The following TRHDE variants were observed in gnomAD, a reference collection of about 807,000 sequenced individuals.
The protein encoded by TRHDE is thyrotropin-releasing hormone-degrading ectoenzyme.
TRHDE carries 72 observed loss-of-function variants against 125.7 expected under a neutral mutation model. That is an observed-to-expected ratio of 0.57 (90% CI 0.47 to 0.70). The LOEUF is 0.70. Among genes scored for constraint, TRHDE ranks in the 30% least tolerant of loss-of-function variants. TRHDE has a pLI of 0.00. For missense variants in TRHDE, 1,110 were observed against 1,327.1 expected, an observed-to-expected ratio of 0.84 and a Z score of 2.54; for synonymous variants, 509 against 509.1, an observed-to-expected ratio of 1.00 and a Z score of 0.00.
chr12:72,220,772 C>T (rs2139367783), intron 2 of TRHDE, among the ~76,000 whole-genome samples: 2 of 152,144 alleles, frequency 1.3e-5, no homozygotes, highest in Non-Finnish European at 1.5e-5. Flanking sequence ...CTTTTTACAT[C>T]AACTTGTCTC....
intron 2 of TRHDE, among the ~76,000 whole-genome samples, chr12:72,181,290 G>C (rs369321853): frequency 2.0e-5 from 3 of 152,100 alleles, no homozygotes; most frequent in African/African-American, 7.2e-5. Flanking sequence ...CCTATCATTA[G>C]CATCAACAAC....
intron 2 of TRHDE, among the ~76,000 whole-genome samples, chr12:72,215,149 T>C (rs1360294175): frequency 1.4e-4 from 20 of 147,550 alleles, no homozygotes; most frequent in African/African-American, 3.8e-4. Flanking sequence ...AGGATTTGGG[T>C]AGGTAAAGGA....
intron 2 of TRHDE, among the ~76,000 whole-genome samples, chr12:72,152,380 C>A (rs1384107033): frequency 6.6e-6 from 1 of 151,816 alleles, no homozygotes; most frequent in South Asian, 2.1e-4. Context: ...TAATTGAATA[C>A]CCTTTATTTC....
intron 3 of TRHDE, among the ~76,000 whole-genome samples, chr12:72,443,995 T>C (rs1427210988): frequency 6.6e-6 from 1 of 151,904 alleles, no homozygotes; most frequent in Non-Finnish European, 1.5e-5. Flanking sequence ...CTGGAAGATA[T>C]TGAATAGTAA....
chr12:72,227,575 A>T (rs565311615), intron 2 of TRHDE, among the ~76,000 whole-genome samples: 75 of 151,990 alleles, frequency 4.9e-4, no homozygotes, highest in Admixed American at 9.8e-4. Context: ...CCCCTCCCAA[A>T]CCTCATGTCC....
At chr12:72,438,148 A>G (rs1035862352) in intron 3 of TRHDE, among the ~76,000 whole-genome samples, 1 of 151,774 alleles carries the variant, frequency 6.6e-6, no homozygotes, top group East Asian at 1.9e-4. Context: ...CATTGTGTAT[A>G]TATACCATGT....
intron 3 of TRHDE, among the ~76,000 whole-genome samples, chr12:72,423,387 G>T (rs753391674): frequency 6.6e-6 from 1 of 152,086 alleles, no homozygotes; most frequent in Admixed American, 6.6e-5. Context: ...GTGTTCCTCC[G>T]TTTGAGCTAC....
At chr12:72,401,075 A>C (rs1873022190) in intron 3 of TRHDE, among the ~76,000 whole-genome samples, 1 of 152,104 alleles carries the variant, frequency 6.6e-6, no homozygotes, top group Non-Finnish European at 1.5e-5. Flanking sequence ...TTGTTTTCTA[A>C]AAGAGTTACA....
chr12:72,181,410 C>A (rs531688194), intron 2 of TRHDE, among the ~76,000 whole-genome samples: 12 of 152,248 alleles, frequency 7.9e-5, no homozygotes, highest in Non-Finnish European at 1.5e-4. Flanking sequence ...AGAAAAAGAA[C>A]CCCAGTTTCA....
chr12:72,496,338 A>G (rs1209521347), intron 5 of TRHDE, among the ~76,000 whole-genome samples: 1 of 152,208 alleles, frequency 6.6e-6, no homozygotes, highest in Non-Finnish European at 1.5e-5. Context: ...TTTATGAAGG[A>G]AAGAGATTTA....
chr12:72,578,455 G>GA (rs2136031963), intron 12 of TRHDE, among the ~76,000 whole-genome samples: 1 of 152,038 alleles, frequency 6.6e-6, no homozygotes, highest in Admixed American at 6.6e-5. Context: ...ATCATACATT[G>GA]AAAAAATGTA....
At chr12:72,518,493 G>T (rs2135958511) in intron 6 of TRHDE, among the ~76,000 whole-genome samples, 1 of 152,112 alleles carries the variant, frequency 6.6e-6, no homozygotes, top group African/African-American at 2.4e-5. Flanking sequence ...TTTTCCATTT[G>T]CTTGGTAGAT....
chr12:72,507,440 A>G (rs1401270240), intron 6 of TRHDE, among the ~76,000 whole-genome samples: 2 of 152,194 alleles, frequency 1.3e-5, no homozygotes, highest in Admixed American at 1.3e-4. Context: ...ATGAGTTCTC[A>G]GATGGAGATG....
chr12:72,106,912 T>C (rs1180293529), intron 2 of TRHDE, among the ~76,000 whole-genome samples: 1 of 152,058 alleles, frequency 6.6e-6, no homozygotes, highest in African/African-American at 2.4e-5. Context: ...CAGCAACCCA[T>C]AGGGTACCAT....
rs368183838 is a variant in TRHDE, at chr12:72,195,850, GT to G, written n.279+90099del. Among the ~76,000 whole-genome samples, 104 of 152,168 alleles carry G rather than the reference GT, an allele frequency of 6.8e-4. 1 individual carries two copies. The East Asian group carries it at 0.016, about 24-fold the overall frequency. On this transcript the variant is annotated intron_variant and non_coding_transcript_variant, in intron 2 of 4. Coordinates refer to the TRHDE transcript ENST00000548156. Reference sequence around the variant, plus strand: ...TGGGTTTTCTTCTAGGATTCTTATTGTGTGAGGTCTTTCATTTAAATCTTTA... The same window carrying G: ...TGGGTTTTCTTCTAGGATTCTTATTGGTGAGGTCTTTCATTTAAATCTTTA...
At chr12:72,506,362 G>C (rs530928110) in intron 6 of TRHDE, among the ~76,000 whole-genome samples, 2 of 152,124 alleles carry the variant, frequency 1.3e-5, no homozygotes, top group South Asian at 4.2e-4. Context: ...CAACCCAATA[G>C]AAGACATAAA....
At chr12:72,607,182 T>G (rs1273746795) in intron 12 of TRHDE, among the ~76,000 whole-genome samples, 1 of 152,158 alleles carries the variant, frequency 6.6e-6, no homozygotes. Context: ...ACAGTCTGGA[T>G]TTTGCTAATT....
intron 4 of TRHDE, among the ~76,000 whole-genome samples, chr12:72,470,832 G>C (rs925562387): frequency 1.3e-5 from 2 of 149,618 alleles, no homozygotes; most frequent in Admixed American, 1.3e-4. Flanking sequence ...GAAGTGATCC[G>C]GGTCAGACGA....
Position 72,484,143 on chromosome 12 carries a change from C to T in TRHDE, c.1584+10963C>T, listed in dbSNP as rs182636221. 3.2e-4 allele frequency among the ~76,000 whole-genome samples: 48 copies of T among 152,156 alleles called. No individual in the cohort carries two copies. The East Asian group carries it at 8.3e-3, about 26-fold the overall frequency. ...ATACATTTAAAAATGCTCTGAATTA[C>T]ATTTTGTCAAATATTAAAATGCCTT... On this transcript the variant is annotated intron_variant, in intron 5 of 18. Coordinates refer to ENST00000261180, the MANE Select transcript of TRHDE (RefSeq NM_013381.3).
Sources: allele counts gnomAD v4.1 joint callset (sites outside exome capture counted in the v4.1 genomes callset), GRCh38; gene constraint gnomAD v4.1.1; transcripts MANE v1.5; gene names NCBI Gene and HGNC (gene_info 2026-07-23, HGNC 2026-07-21).